CAPZB: variants seen among roughly 807,000 people sequenced by gnomAD.
CAPZB encodes the protein capping actin protein of muscle Z-line subunit beta, also known as F-actin-capping protein subunit beta.
A neutral mutation model predicts 38.1 loss-of-function variants in CAPZB; 2 were observed. The observed-to-expected ratio is 0.05, with a 90% CI of 0.02 to 0.17. The LOEUF (loss-of-function observed/expected upper bound fraction) is 0.17. Ranked by LOEUF, CAPZB falls within the 10% of genes least tolerant of loss-of-function variation. CAPZB has a pLI of 1.00. For missense variants in CAPZB, 161 were observed against 334.2 expected (o/e 0.48, Z 4.04); for synonymous variants, 107 against 127.4 (o/e 0.84, Z 1.08).
At chr1:19,437,381 A>G (rs2094461490) in intron 1 of CAPZB, among the ~76,000 whole-genome samples, 1 of 152,150 alleles carries the variant, frequency 6.6e-6, no homozygotes, top group Admixed American at 6.5e-5. Flanking sequence ...TCACCTACAA[A>G]CGAAAATCAC....
chr1:19,484,633 GCT>G, intron 1 of CAPZB: 1 of 1,174,462 alleles, frequency 8.5e-7, no homozygotes, highest in East Asian at 5.9e-5. Context: ...CTCCCCAAAG[GCT>G]GCAAAGAAGG....
At chr1:19,366,297 TATATATATATATAA>T (rs76686776) in intron 4 of CAPZB, among the ~76,000 whole-genome samples, 10,565 of 122,778 alleles carry the variant, frequency 0.086, 1,225 homozygotes, top group African/African-American at 0.2. Context: ...TATATATATA[TATATATATATATAA>T]ATAAAATAAA....
chr1:19,396,470 C>T (rs2094269816), intron 2 of CAPZB, among the ~76,000 whole-genome samples: 1 of 152,188 alleles, frequency 6.6e-6, no homozygotes, highest in South Asian at 2.1e-4. Flanking sequence ...GGTGTGCACC[C>T]ACTGGGCGTG....
At chr1:19,381,916 T>A (rs2094177100) in intron 3 of CAPZB, among the ~76,000 whole-genome samples, 1 of 152,094 alleles carries the variant, frequency 6.6e-6, no homozygotes, top group Admixed American at 6.6e-5. Flanking sequence ...CCATGATTTA[T>A]CTATAAACAA....
At chr1:19,404,000 G>T (rs1452843916) in intron 2 of CAPZB, among the ~76,000 whole-genome samples, 1 of 152,082 alleles carries the variant, frequency 6.6e-6, no homozygotes, top group Non-Finnish European at 1.5e-5. Context: ...AGTAGGCCGG[G>T]CACGGTGGCA....
chr1:19,432,485 ATTTTAT>A (rs1558256593), intron 1 of CAPZB, among the ~76,000 whole-genome samples: 3 of 152,232 alleles, frequency 2.0e-5, no homozygotes, highest in East Asian at 1.9e-4. Context: ...TGTCCAGATA[ATTTTAT>A]TTTTATTTTT....
At chr1:19,431,770 T>C (rs912387143) in intron 1 of CAPZB, among the ~76,000 whole-genome samples, 4 of 151,680 alleles carry the variant, frequency 2.6e-5, no homozygotes, top group Non-Finnish European at 5.9e-5. Context: ...ATACAGTTGA[T>C]TTTATCCAAG....
intron 2 of CAPZB, among the ~76,000 whole-genome samples, chr1:19,413,879 C>T (rs1449754613): frequency 6.6e-6 from 1 of 152,214 alleles, no homozygotes; most frequent in Admixed American, 6.5e-5. Context: ...TTTTGCTTCA[C>T]TCCACACAGC....
chr1:19,394,653 T>C (rs529428326), intron 2 of CAPZB, among the ~76,000 whole-genome samples: 24 of 152,034 alleles, frequency 1.6e-4, no homozygotes, highest in Middle Eastern at 6.8e-3. Context: ...GAGGCGGAGG[T>C]TGCAGTGAGC....
rs927400158 is a variant in CAPZB at position 19,422,156 on chromosome 1, TAC to T, written c.4-2408_4-2407del. On this transcript the variant is annotated intron_variant, in intron 1 of 8. Transcript: ENST00000264202. Reference sequence around the variant, plus strand: ...ATGATTTTGCACACGTGCACACACATACACACACACCTCCAACAACCCTGCCA... The same window carrying T: ...ATGATTTTGCACACGTGCACACACATACACACACCTCCAACAACCCTGCCA... Among the ~76,000 whole-genome samples, 186 of 152,220 alleles carry T rather than the reference TAC, an allele frequency of 1.2e-3. 1 individual carries two copies. The highest frequency in any genetic ancestry group is 4.4e-3 in the African/African-American group (183 of 41,520).
intron 1 of CAPZB, among the ~76,000 whole-genome samples, chr1:19,464,899 G>A (rs1400883222): frequency 6.6e-6 from 1 of 152,216 alleles, no homozygotes; most frequent in Non-Finnish European, 1.5e-5. Flanking sequence ...TGTCTAGGAG[G>A]GGGAAAAGGG....
chr1:19,420,221 G>A (rs1228816791), intron 1 of CAPZB: 1 of 154,912 alleles, frequency 6.5e-6, no homozygotes, highest in Non-Finnish European at 1.4e-5. Flanking sequence ...CAAAGAACAA[G>A]TGGCAAGATG....
intron 1 of CAPZB, among the ~76,000 whole-genome samples, chr1:19,476,224 ATAGG>A (rs1387124366): frequency 6.8e-5 from 5 of 73,808 alleles, no homozygotes; most frequent in African/African-American, 2.3e-4. Flanking sequence ...AGATAGATAG[ATAGG>A]CAGGCAGGCA....
At chr1:19,484,423 C>A (rs934538877) in intron 1 of CAPZB, 1 of 1,518,344 alleles carries the variant, frequency 6.6e-7, no homozygotes, top group Non-Finnish European at 8.8e-7. Flanking sequence ...GCCGTGGACC[C>A]CGGCCTGCCC....
At chr1:19,389,889 T>A (rs1246842638) in intron 2 of CAPZB, among the ~76,000 whole-genome samples, 1 of 152,192 alleles carries the variant, frequency 6.6e-6, no homozygotes, top group Non-Finnish European at 1.5e-5. Flanking sequence ...CCTAAATGCT[T>A]TGGGGATGGC....
intron 1 of CAPZB, among the ~76,000 whole-genome samples, chr1:19,453,571 C>T (rs1010083772): frequency 3.3e-5 from 5 of 152,132 alleles, no homozygotes; most frequent in African/African-American, 9.7e-5. Flanking sequence ...ACCAGCGCCT[C>T]TTTCTATGTC....
intron 2 of CAPZB, among the ~76,000 whole-genome samples, chr1:19,403,305 T>C (rs1300237762): frequency 2.6e-5 from 4 of 152,078 alleles, no homozygotes; most frequent in African/African-American, 7.2e-5. Context: ...CCAAAGCTCC[T>C]AGGATGGAGC....
intron 1 of CAPZB, among the ~76,000 whole-genome samples, chr1:19,437,294 G>A (rs1448554623): frequency 1.3e-5 from 2 of 152,094 alleles, no homozygotes; most frequent in Non-Finnish European, 2.9e-5. Flanking sequence ...AGTGAGAGAG[G>A]GAGAAATTTG....
intron 2 of CAPZB, among the ~76,000 whole-genome samples, chr1:19,413,752 A>G (rs979394076): frequency 2.0e-5 from 3 of 152,146 alleles, no homozygotes; most frequent in African/African-American, 7.2e-5. Flanking sequence ...AAGCCTGCTT[A>G]CTCTATTAAC....
Sources: gnomAD v4.1 joint callset for allele counts (sites outside exome capture counted in the v4.1 genomes callset) on GRCh38, gnomAD v4.1.1 for gene constraint, MANE v1.5 for transcripts, NCBI Gene and HGNC (gene_info 2026-07-23, HGNC 2026-07-21) for gene names.